The following KCNG2 variants were observed in gnomAD, a reference collection of about 807,000 sequenced individuals.
KCNG2 encodes the protein potassium voltage-gated channel modifier subfamily G member 2.
A neutral mutation model predicts 12.3 loss-of-function variants in KCNG2; 7 were observed. The observed-to-expected ratio is 0.57, with a 90% CI of 0.32 to 1.07. The LOEUF is 1.07. Among genes scored for constraint, KCNG2 ranks in the 50% least tolerant of loss-of-function variants. The probability of loss-of-function intolerance (pLI) is 0.04; values close to 1 mark genes in which losing one functional copy is unlikely to be tolerated. For synonymous variants in KCNG2, 414 were observed against 351.4 expected, an observed-to-expected ratio of 1.18 and a Z score of -1.99; for missense variants, 703 against 726.0, an observed-to-expected ratio of 0.97 and a Z score of 0.36.
At position 79,863,714 on chromosome 18, in the gene KCNG2, C is replaced by G; in HGVS notation, c.47C>G (p.Ala16Gly). The G allele has an allele frequency of 1.7e-6, 2 of 1,205,116 alleles. No homozygotes were observed. The highest frequency in any genetic ancestry group is 2.1e-6 in the Non-Finnish European group (2 of 970,910). The allele number at this position is 1,205,116 out of a possible 1,614,324, so 74.7% of individuals were successfully genotyped here. The part of the protein sequence containing the change: ...CSPGGGGGTR[A>G]RHVIINVGGC... ...CCGGGCGGCGGCGGCGGGACCCGCGCCCGGCACGTCATCATCAACGTGGGC... is the reference window on the plus strand; with the variant it reads ...CCGGGCGGCGGCGGCGGGACCCGCGGCCGGCACGTCATCATCAACGTGGGC... Residue 16 changes from alanine (A) to glycine (G), a missense_variant, in exon 3 of 4, where the codon GCC (alanine) becomes GGC (glycine). Physicochemically the swap from Ala to Gly is moderately conservative, Grantham distance 60 (BLOSUM62 0). Transcript: ENST00000316249.
intron 1 of KCNG2, among the ~76,000 whole-genome samples, chr18:79,809,912 C>T (rs528085134): frequency 1.3e-5 from 2 of 152,336 alleles, no homozygotes; most frequent in Non-Finnish European, 2.9e-5. Context: ...CGTGACGCTC[C>T]AACTTTCCGG....
chr18:79,877,206 G>T (rs1980109259), intron 3 of KCNG2, among the ~76,000 whole-genome samples: 1 of 152,166 alleles, frequency 6.6e-6, no homozygotes, highest in Admixed American at 6.5e-5. Context: ...TGAATTCATA[G>T]TTAGTAAAAT....
At chr18:79,812,970 A>G (rs886788485) in intron 1 of KCNG2, among the ~76,000 whole-genome samples, 1 of 152,216 alleles carries the variant, frequency 6.6e-6, no homozygotes, top group Non-Finnish European at 1.5e-5. Flanking sequence ...AGCCTGGCCA[A>G]CATGGTGAAA....
rs71163836 is a variant in KCNG2, at chr18:79,854,530, C to CTTTT, written c.-114-1838_-114-1835dup. Among the ~76,000 whole-genome samples the CTTTT allele has an allele frequency of 6.5e-3, 886 of 135,744 alleles. 34 individuals carry two copies. Among genetic ancestry groups the CTTTT allele is most frequent in the East Asian group, 0.018 (84 of 4,646 alleles). 89.1% of individuals were successfully genotyped at this position (135,744 alleles called of 152,430 possible). On this transcript the variant is annotated intron_variant, in intron 1 of 3. Coordinates refer to ENST00000316249, the MANE Select transcript of KCNG2 (RefSeq NM_012283.2). The stretch of plus-strand genomic sequence containing the variant: ...GTCTTTATACATTGCCTTTCATTGG[C>CTTTT]TTTTTTTTTTTTTTGAGACAGGGTC...
intron 3 of KCNG2, among the ~76,000 whole-genome samples, chr18:79,895,958 TTAGA>T (rs774926541): frequency 4.6e-5 from 7 of 152,238 alleles, no homozygotes; most frequent in Non-Finnish European, 1.0e-4. Flanking sequence ...ATTCCACTAA[TTAGA>T]TATATATATG....
At chr18:79,815,938 T>C (rs530433875) in intron 1 of KCNG2, 7 of 152,378 alleles carry the variant, frequency 4.6e-5, no homozygotes, top group African/African-American at 1.7e-4. Context: ...CGTAAAACTA[T>C]GCAGAGACGA....
chr18:79,807,502 C>T (rs1037931552), intron 1 of KCNG2, among the ~76,000 whole-genome samples: 5 of 152,194 alleles, frequency 3.3e-5, no homozygotes, highest in Admixed American at 1.3e-4. Context: ...ATTTTTAGAA[C>T]GCCTCTGCGC....
intron 1 of KCNG2, among the ~76,000 whole-genome samples, chr18:79,807,472 T>C (rs1052393851): frequency 6.6e-6 from 1 of 152,198 alleles, no homozygotes; most frequent in Non-Finnish European, 1.5e-5. Context: ...CGGACTGCTC[T>C]GACACGTCAC....
chr18:79,887,482 C>G (rs1447231186), intron 3 of KCNG2, among the ~76,000 whole-genome samples: 3 of 152,114 alleles, frequency 2.0e-5, no homozygotes, highest in Non-Finnish European at 4.4e-5. Flanking sequence ...AATTTGCCAA[C>G]TCCTGGTCAC....
intron 3 of KCNG2, among the ~76,000 whole-genome samples, chr18:79,868,562 T>G: frequency 6.6e-6 from 1 of 152,168 alleles, no homozygotes; most frequent in Non-Finnish European, 1.5e-5. Flanking sequence ...AAGAGAATAT[T>G]TCAAAGCATG....
chr18:79,805,612 C>A (rs2087443314), intron 1 of KCNG2, among the ~76,000 whole-genome samples: 1 of 151,920 alleles, frequency 6.6e-6, no homozygotes, highest in African/African-American at 2.4e-5. Context: ...TGTCACATTT[C>A]TCGCCTTCGG....
At chr18:79,817,473 G>A (rs1014845855) in intron 1 of KCNG2, among the ~76,000 whole-genome samples, 1 of 151,722 alleles carries the variant, frequency 6.6e-6, no homozygotes, top group Non-Finnish European at 1.5e-5. Context: ...TACACCCATG[G>A]TTGTCACACA....
chr18:79,898,206 C>T (rs896242389), intron 3 of KCNG2, among the ~76,000 whole-genome samples: 1 of 152,192 alleles, frequency 6.6e-6, no homozygotes. Context: ...GAGATTACTT[C>T]CTTCATCTCC....
chr18:79,873,174 C>T (rs116689430), intron 3 of KCNG2, among the ~76,000 whole-genome samples: 2,133 of 152,278 alleles, frequency 0.014, 42 homozygotes, highest in African/African-American at 0.046. Context: ...CTTTGGGCCT[C>T]GGTCCCAGGC....
chr18:79,878,710 C>T (rs1980176545), intron 3 of KCNG2, among the ~76,000 whole-genome samples: 1 of 152,236 alleles, frequency 6.6e-6, no homozygotes, highest in African/African-American at 2.4e-5. Context: ...TTTTGACCTC[C>T]TCTGACTTCT....
At chr18:79,840,260 A>G (rs924968858) in intron 1 of KCNG2, among the ~76,000 whole-genome samples, 6 of 152,260 alleles carry the variant, frequency 3.9e-5, no homozygotes, top group Non-Finnish European at 8.8e-5. Context: ...TAGAACTAAT[A>G]AATGAATTCA....
At chr18:79,814,864 T>C (rs2122998791) in intron 1 of KCNG2, among the ~76,000 whole-genome samples, 1 of 152,140 alleles carries the variant, frequency 6.6e-6, no homozygotes, top group Non-Finnish European at 1.5e-5. Flanking sequence ...CGGATTTGTT[T>C]TGAAGGGGGA....
At chr18:79,872,971 T>C (rs7227309) in intron 3 of KCNG2, among the ~76,000 whole-genome samples, 152,311 of 152,326 alleles carry the variant, frequency 1, 76,148 homozygotes, top group Middle Eastern at 1. Context: ...AGCCGGCGTG[T>C]GCTGTCCTCC....
intron 1 of KCNG2, among the ~76,000 whole-genome samples, chr18:79,801,256 C>T (rs1350673714): frequency 7.9e-5 from 12 of 152,234 alleles, no homozygotes; most frequent in Admixed American, 5.2e-4. Context: ...ATAAAAATAG[C>T]GCAGAAGACC....
Sources: allele counts gnomAD v4.1 joint callset (sites outside exome capture counted in the v4.1 genomes callset), GRCh38; gene constraint gnomAD v4.1.1; transcripts MANE v1.5; gene names NCBI Gene and HGNC (gene_info 2026-07-23, HGNC 2026-07-21).